Variants in TRAPPC9 observed in about 807,000 individuals in gnomAD.
The protein encoded by TRAPPC9 is trafficking protein particle complex subunit 9.
TRAPPC9 carries 83 observed loss-of-function variants against 124.0 expected under a neutral mutation model. The ratio of observed to expected loss-of-function variants is 0.67; its 90% CI spans 0.56 to 0.80. TRAPPC9 has a LOEUF of 0.80. Among genes scored for constraint, TRAPPC9 ranks in the 30% least tolerant of loss-of-function variants. The pLI, the probability that TRAPPC9 is intolerant of heterozygous loss-of-function variation, is 0.00. For synonymous variants in TRAPPC9, 638 were observed against 617.5 expected, an observed-to-expected ratio of 1.03 and a Z score of -0.49; for missense variants, 1,302 against 1,508.3, an observed-to-expected ratio of 0.86 and a Z score of 2.27.
At chr8:140,075,641 C>A (rs1007888143) in intron 17 of TRAPPC9, among the ~76,000 whole-genome samples, 3 of 152,212 alleles carry the variant, frequency 2.0e-5, no homozygotes, top group African/African-American at 4.8e-5. Context: ...ATTATATGCA[C>A]GTCAGTAAAG....
At chr8:140,029,948 G>A (rs1008798708) in intron 17 of TRAPPC9, among the ~76,000 whole-genome samples, 4 of 151,798 alleles carry the variant, frequency 2.6e-5, no homozygotes, top group Admixed American at 2.6e-4. Context: ...AATACATCAC[G>A]GCCATCAATA....
chr8:139,917,085 G>T (rs1022737011), intron 19 of TRAPPC9, among the ~76,000 whole-genome samples: 2 of 151,436 alleles, frequency 1.3e-5, no homozygotes, highest in Non-Finnish European at 1.5e-5. Context: ...TATGGATCAC[G>T]CCCTGAGAGA....
intron 17 of TRAPPC9, among the ~76,000 whole-genome samples, chr8:140,065,192 T>C (rs571404520): frequency 2.0e-5 from 3 of 152,362 alleles, no homozygotes; most frequent in South Asian, 4.1e-4. Context: ...CCTAACTCTC[T>C]TTAATTCTAT....
chr8:139,901,970 T>C (rs1395712823), intron 20 of TRAPPC9, among the ~76,000 whole-genome samples: 2 of 152,192 alleles, frequency 1.3e-5, no homozygotes, highest in African/African-American at 4.8e-5. Context: ...GTAAGTGCCA[T>C]ATGGGTTTTA....
At chr8:140,179,704 A>T (rs972748435) in intron 17 of TRAPPC9, among the ~76,000 whole-genome samples, 1 of 152,064 alleles carries the variant, frequency 6.6e-6, no homozygotes, top group Non-Finnish European at 1.5e-5. Flanking sequence ...TCCACTTCTC[A>T]TTTCAATTTT....
intron 14 of TRAPPC9, among the ~76,000 whole-genome samples, chr8:140,281,189 T>C (rs565766565): frequency 1.3e-5 from 2 of 152,366 alleles, no homozygotes; most frequent in South Asian, 4.1e-4. Context: ...GGTAAACTTA[T>C]GTGTAACTTC....
At chr8:140,219,349 G>A (rs879456269) in intron 17 of TRAPPC9, among the ~76,000 whole-genome samples, 13 of 152,174 alleles carry the variant, frequency 8.5e-5, no homozygotes, top group Non-Finnish European at 1.6e-4. Context: ...GAGCTCCGTC[G>A]ATAGCCGCTT....
chr8:140,374,440 C>G (rs1385998452), intron 7 of TRAPPC9, among the ~76,000 whole-genome samples: 1 of 152,092 alleles, frequency 6.6e-6, no homozygotes. Flanking sequence ...CGTGGTGGTG[C>G]ATACCTGTAA....
intron 17 of TRAPPC9, among the ~76,000 whole-genome samples, chr8:140,034,054 A>G (rs1413172735): frequency 2.0e-5 from 3 of 152,142 alleles, no homozygotes; most frequent in African/African-American, 7.2e-5. Context: ...CCAGATGGTA[A>G]TAGTGTTTCT....
At chr8:140,389,397 G>A (rs1437773562) in intron 7 of TRAPPC9, among the ~76,000 whole-genome samples, 1 of 152,158 alleles carries the variant, frequency 6.6e-6, no homozygotes. Context: ...CCTCATAGGG[G>A]GGGTTATGGA....
chr8:139,786,165 G>A lies in TRAPPC9; in HGVS notation c.3056-53963C>T, dbSNP rs1027731226. Among the ~76,000 whole-genome samples the A allele has an allele frequency of 7.3e-5, 11 of 151,214 alleles. No homozygotes were observed. In the East Asian group the frequency reaches 1.8e-3, roughly 24 times the overall value. On this transcript the variant is annotated intron_variant, in intron 21 of 22. Transcript: ENST00000438773. Reference sequence around the variant, plus strand: ...AGAGGTTGCAGTGAGCCAAGATCGCGCCACCGCACTCCAGCCTGGGTGACA... The same window carrying A: ...AGAGGTTGCAGTGAGCCAAGATCGCACCACCGCACTCCAGCCTGGGTGACA...
At chr8:139,757,931 C>T (rs1199696325) in intron 21 of TRAPPC9, among the ~76,000 whole-genome samples, 1 of 152,196 alleles carries the variant, frequency 6.6e-6, no homozygotes, top group Non-Finnish European at 1.5e-5. Context: ...AGGCTGCATG[C>T]CCTGATGCCA....
chr8:139,753,631 C>A (rs188100230), intron 21 of TRAPPC9, among the ~76,000 whole-genome samples: 11 of 152,192 alleles, frequency 7.2e-5, no homozygotes, highest in African/African-American at 2.7e-4. Flanking sequence ...TCTCTATGCT[C>A]CCCTGAGGCC....
intron 9 of TRAPPC9, among the ~76,000 whole-genome samples, chr8:140,314,076 A>C (rs2066380761): frequency 6.6e-6 from 1 of 152,208 alleles, no homozygotes; most frequent in African/African-American, 2.4e-5. Context: ...CTCTGCACTT[A>C]GAAGCTAGAA....
At chr8:139,906,522 G>A (rs1439631030) in intron 20 of TRAPPC9, among the ~76,000 whole-genome samples, 2 of 152,084 alleles carry the variant, frequency 1.3e-5, no homozygotes, top group Non-Finnish European at 2.9e-5. Flanking sequence ...CCTCTGTTTC[G>A]ACAGAAATTA....
chr8:140,334,262 C>T (rs986578211), intron 9 of TRAPPC9, among the ~76,000 whole-genome samples: 37 of 152,192 alleles, frequency 2.4e-4, no homozygotes, highest in African/African-American at 8.9e-4. Flanking sequence ...CATCTTCAAG[C>T]ACAACAGCAA....
chr8:139,802,860 G>A (rs1199535592), intron 21 of TRAPPC9, among the ~76,000 whole-genome samples: 1 of 152,182 alleles, frequency 6.6e-6, no homozygotes, highest in Non-Finnish European at 1.5e-5. Flanking sequence ...ATCTGAAGGT[G>A]CGTGTGTGTG....
At chr8:139,752,336 A>G (rs994162262) in intron 21 of TRAPPC9, among the ~76,000 whole-genome samples, 4 of 147,542 alleles carry the variant, frequency 2.7e-5, no homozygotes, top group Non-Finnish European at 1.5e-5. Context: ...CCATCCATTC[A>G]TCCAACATCT....
At chr8:139,831,965 T>G (rs1441567282) in intron 21 of TRAPPC9, among the ~76,000 whole-genome samples, 2 of 152,192 alleles carry the variant, frequency 1.3e-5, no homozygotes, top group Non-Finnish European at 2.9e-5. Context: ...ATTACTCAAT[T>G]ATCCCTTCTC....
Sources: gnomAD v4.1 joint callset for allele counts (sites outside exome capture counted in the v4.1 genomes callset) on GRCh38, gnomAD v4.1.1 for gene constraint, MANE v1.5 for transcripts, NCBI Gene and HGNC (gene_info 2026-07-23, HGNC 2026-07-21) for gene names.